DNAJC11: variants seen among roughly 807,000 people sequenced by gnomAD.
The protein encoded by DNAJC11 is dnaJ homolog subfamily C member 11.
Under a neutral mutation model 78.6 loss-of-function variants are expected in DNAJC11, and 15 were observed. The ratio of observed to expected loss-of-function variants is 0.19; its 90% CI spans 0.13 to 0.29. The LOEUF (loss-of-function observed/expected upper bound fraction) is 0.29. DNAJC11 is among the 10% of genes least tolerant of loss of function. The pLI, the probability that DNAJC11 is intolerant of heterozygous loss-of-function variation, is 1.00. For missense variants in DNAJC11, 547 were observed against 709.6 expected (o/e 0.77, Z 2.60); for synonymous variants, 292 against 272.1 (o/e 1.07, Z -0.72).
chr1:6,698,091 T>C (rs1642868228), intron 1 of DNAJC11, among the ~76,000 whole-genome samples: 1 of 152,174 alleles, frequency 6.6e-6, no homozygotes, highest in Non-Finnish European at 1.5e-5. Flanking sequence ...GCCCAGCCTA[T>C]GCTTATAATT....
At chr1:6,639,763 C>G in intron 11 of DNAJC11, 139 bp downstream of exon 11, 1 of 869,522 alleles carries the variant, frequency 1.2e-6, no homozygotes, top group Non-Finnish European at 1.7e-6. Flanking sequence ...AGACATCAGC[C>G]TAAGTGCTTT....
At chr1:6,650,570 A>AAAAATAAAGT (rs1169311628) in intron 7 of DNAJC11, among the ~76,000 whole-genome samples, 2 of 152,070 alleles carry the variant, frequency 1.3e-5, no homozygotes, top group Non-Finnish European at 2.9e-5. Context: ...CGTCTCTAAC[A>AAAAATAAAGT]AAAATAAAGT....
rs763209518 is a variant in DNAJC11, at chr1:6,634,643, C to A, written c.*1032G>T. On this transcript the variant is annotated 3_prime_UTR_variant, in exon 16 of 16. Coordinates refer to ENST00000377577, the MANE Select transcript of DNAJC11 (RefSeq NM_018198.4). ...ACTTTACTGCAGCCGAGGTCCAGGC[C>A]GTGGAGGGGGTCCTAGCTCCGCTGC... 7.3e-7 allele frequency: 1 copy of A among 1,366,518 alleles called. No homozygotes were observed. The highest frequency in any genetic ancestry group is 1.5e-5 in the African/African-American group (1 of 67,884). 84.6% of individuals were successfully genotyped at this position (1,366,518 alleles called of 1,614,324 possible).
At chr1:6,663,268 C>T (rs1022177476) in intron 4 of DNAJC11, among the ~76,000 whole-genome samples, 8 of 152,018 alleles carry the variant, frequency 5.3e-5, no homozygotes, top group East Asian at 1.9e-4. Context: ...AATATATGCC[C>T]GCAGAGACAG....
intron 1 of DNAJC11, among the ~76,000 whole-genome samples, chr1:6,695,563 G>T (rs551326913): frequency 2.1e-5 from 3 of 146,172 alleles, no homozygotes; most frequent in Non-Finnish European, 3.0e-5. Context: ...AGGCCGAGGC[G>T]GATGGATCAC....
chr1:6,654,862 G>A (rs772345138), intron 4 of DNAJC11, among the ~76,000 whole-genome samples: 60 of 151,162 alleles, frequency 4.0e-4, no homozygotes, highest in Non-Finnish European at 7.1e-4. Flanking sequence ...GCAGTGGCAC[G>A]ATCTTGGCTC....
In DNAJC11 at chr1:6,645,057, C is replaced by A; in HGVS notation, c.964G>T (p.Val322Leu). 1 of 1,614,132 alleles carries A rather than the reference C, an allele frequency of 6.2e-7. No individual in the cohort carries two copies. Among genetic ancestry groups the A allele is most frequent in the Non-Finnish European group, 8.5e-7 (1 of 1,179,996 alleles). Residue 322 changes from valine (V) to leucine (L), a missense_variant, in exon 9 of 16, where the codon GTG becomes TTG. Coordinates refer to ENST00000377577, the MANE Select transcript of DNAJC11 (RefSeq NM_018198.4). This position sits in a 1 kb window ranked among gnomAD's most constrained non-coding sequence, Gnocchi z 4.1. The part of the protein sequence containing the change: ...HKFQDDDQTR[V>L]KGSLKAGFFG... ...AGGACTTACTTGAGGGATCCTTTCA[C>A]ACGAGTCTGATCGTCATCTTGGAAT...
intron 4 of DNAJC11, among the ~76,000 whole-genome samples, chr1:6,663,882 A>C (rs1282974383): frequency 6.6e-6 from 1 of 152,226 alleles, no homozygotes; most frequent in Non-Finnish European, 1.5e-5. Flanking sequence ...ATGGAGGCAG[A>C]AACTGGACTA....
Position 6,651,590 on chromosome 1 carries a change from C to T in DNAJC11, c.643G>A (p.Ala215Thr), listed in dbSNP as rs766979741. ...AACAAAGGCCCCTGTAGGTCTCCAGCTCCAAATTCCAACTGTTTGAAAAGG... is the reference window on the plus strand; with the variant it reads ...AACAAAGGCCCCTGTAGGTCTCCAGTTCCAAATTCCAACTGTTTGAAAAGG... ...AKGWGELEFG[A>T]GDLQGPLFGL... Residue 215 changes from alanine (A) to threonine (T), a missense_variant, in exon 7 of 16, where the codon GCT (alanine) becomes ACT (threonine). Coordinates refer to ENST00000377577, the MANE Select transcript of DNAJC11 (RefSeq NM_018198.4). 34 of 1,613,882 alleles carry T rather than the reference C, an allele frequency of 2.1e-5. No individual in the cohort carries two copies. Among genetic ancestry groups the T allele is most frequent in the Non-Finnish European group, 2.7e-5 (32 of 1,179,916 alleles).
chr1:6,698,968 T>G (rs1163599944), intron 1 of DNAJC11, among the ~76,000 whole-genome samples: 1 of 148,724 alleles, frequency 6.7e-6, no homozygotes, highest in Non-Finnish European at 1.5e-5. Flanking sequence ...TATAAATATT[T>G]ATATCTATGT....
chr1:6,635,851 C>G lies in DNAJC11; in HGVS notation c.1655-151G>C, dbSNP rs142782199. ...TGCTGAAAATCAACTGCTGCTGGAA[C>G]GTAGAGGTCTGCTTTCATCCCCCGC... On this transcript the variant is annotated intron_variant, in intron 15 of 15. Coordinates refer to ENST00000377577, the MANE Select transcript of DNAJC11 (RefSeq NM_018198.4). The G allele has an allele frequency of 9.2e-5, 95 of 1,030,156 alleles. 1 individual carries two copies. The Middle Eastern group carries it at 1.0e-3, about 11-fold the overall frequency. 63.8% of individuals were successfully genotyped at this position (1,030,156 alleles called of 1,614,324 possible).
chr1:6,671,818 C>A (rs1382543000), intron 3 of DNAJC11, among the ~76,000 whole-genome samples: 2 of 152,112 alleles, frequency 1.3e-5, no homozygotes, highest in African/African-American at 4.8e-5. Context: ...CTGCGCCCAG[C>A]GATATTTTAT....
At chr1:6,681,242 G>T (rs1342348313) in intron 1 of DNAJC11, among the ~76,000 whole-genome samples, 1 of 152,156 alleles carries the variant, frequency 6.6e-6, no homozygotes, top group Non-Finnish European at 1.5e-5. Flanking sequence ...CATCAATAGG[G>T]ACTGGGTTTT....
At chr1:6,650,281 C>A (rs1642034805) in intron 7 of DNAJC11, among the ~76,000 whole-genome samples, 1 of 150,170 alleles carries the variant, frequency 6.7e-6, no homozygotes. Context: ...AACATATACT[C>A]CAGGCTTGCT....
chr1:6,638,122 T>C, intron 12 of DNAJC11, 173 bp downstream of exon 12: 1 of 549,854 alleles, frequency 1.8e-6, no homozygotes, highest in Non-Finnish European at 3.1e-6. Context: ...GGAGGGTAAT[T>C]ATCTTCAGGG....
intron 3 of DNAJC11, among the ~76,000 whole-genome samples, chr1:6,677,331 T>C (rs1274502313): frequency 1.3e-5 from 2 of 152,162 alleles, no homozygotes; most frequent in African/African-American, 2.4e-5. Context: ...CTTGCTCTGT[T>C]GCCCACGTTA....
At chr1:6,678,858 A>G (rs1304937471) in intron 2 of DNAJC11, among the ~76,000 whole-genome samples, 1 of 152,194 alleles carries the variant, frequency 6.6e-6, no homozygotes, top group Non-Finnish European at 1.5e-5. Flanking sequence ...TATGTTGCCT[A>G]GGCTGATCTC....
intron 1 of DNAJC11, among the ~76,000 whole-genome samples, chr1:6,701,412 C>A (rs1414386325): frequency 1.3e-5 from 2 of 152,220 alleles, no homozygotes; most frequent in Non-Finnish European, 2.9e-5. Flanking sequence ...GACTGCTAAC[C>A]CCACTACGGT....
intron 10 of DNAJC11, among the ~76,000 whole-genome samples, chr1:6,643,055 T>G (rs1034900041): frequency 1.3e-5 from 2 of 151,808 alleles, no homozygotes; most frequent in Non-Finnish European, 1.5e-5. Context: ...TCCTGGAAAC[T>G]CAGGGCAGAG....
Sources: gnomAD v4.1 joint callset for allele counts (sites outside exome capture counted in the v4.1 genomes callset) on GRCh38, gnomAD v4.1.1 for gene constraint, Gnocchi (gnomAD v3.1) non-coding constraint, MANE v1.5 for transcripts, NCBI Gene and HGNC (gene_info 2026-07-23, HGNC 2026-07-21) for gene names.